CNTNAP2: variants seen among roughly 807,000 people sequenced by gnomAD.
CNTNAP2 encodes the protein contactin associated protein 2, also known as contactin-associated protein-like 2.
CNTNAP2 carries 98 observed loss-of-function variants against 155.2 expected under a neutral mutation model. That is an observed-to-expected ratio of 0.63 (90% confidence interval 0.54 to 0.75). The LOEUF (loss-of-function observed/expected upper bound fraction) is 0.75, where lower values mean the gene tolerates loss of function less well. Ranked by LOEUF, CNTNAP2 falls within the 30% of genes least tolerant of loss-of-function variation. The pLI, the probability that CNTNAP2 is intolerant of heterozygous loss-of-function variation, is 0.00. For missense variants in CNTNAP2, 1,727 were observed against 1,688.1 expected, an observed-to-expected ratio of 1.02 and a Z score of -0.40; for synonymous variants, 651 against 631.2, an observed-to-expected ratio of 1.03 and a Z score of -0.47.
At chr7:146,951,890 G>T (rs1246412602) in intron 3 of CNTNAP2, among the ~76,000 whole-genome samples, 3 of 152,024 alleles carry the variant, frequency 2.0e-5, no homozygotes, top group Non-Finnish European at 2.9e-5. Context: ...GGGCAGTATG[G>T]CCATTTTCGC....
intron 16 of CNTNAP2, among the ~76,000 whole-genome samples, chr7:148,134,607 C>T (rs1052326122): frequency 1.3e-5 from 2 of 152,036 alleles, no homozygotes; most frequent in African/African-American, 2.4e-5. Flanking sequence ...GTTTTAAATG[C>T]CCTCTAATTT....
intron 14 of CNTNAP2, among the ~76,000 whole-genome samples, chr7:147,924,765 A>G (rs1431784518): frequency 6.6e-6 from 1 of 152,084 alleles, no homozygotes; most frequent in Non-Finnish European, 1.5e-5. Flanking sequence ...AGAGTATGAG[A>G]GCCAAGCTGT....
At chr7:147,549,972 T>C (rs1799819299) in intron 11 of CNTNAP2, among the ~76,000 whole-genome samples, 1 of 152,192 alleles carries the variant, frequency 6.6e-6, no homozygotes, top group South Asian at 2.1e-4. Context: ...GATAAAAATT[T>C]TTCTTTTATG....
At chr7:147,745,900 T>C (rs1355963986) in intron 13 of CNTNAP2, among the ~76,000 whole-genome samples, 1 of 152,216 alleles carries the variant, frequency 6.6e-6, no homozygotes, top group Admixed American at 6.5e-5. Flanking sequence ...AGTACAGGAA[T>C]CTTTAAAATC....
intron 18 of CNTNAP2, among the ~76,000 whole-genome samples, chr7:148,209,298 C>T (rs1795503999): frequency 7.7e-6 from 1 of 130,452 alleles, no homozygotes; most frequent in Non-Finnish European, 1.6e-5. Flanking sequence ...TCTTTTCTTC[C>T]TTTTTTTTTT....
intron 3 of CNTNAP2, among the ~76,000 whole-genome samples, chr7:147,013,997 T>G (rs1033236821): frequency 6.6e-6 from 1 of 152,168 alleles, no homozygotes; most frequent in South Asian, 2.1e-4. Flanking sequence ...TTTGTCTATA[T>G]TAGAAGCACA....
At chr7:147,242,138 C>A (rs1803951979) in intron 8 of CNTNAP2, among the ~76,000 whole-genome samples, 1 of 152,140 alleles carries the variant, frequency 6.6e-6, no homozygotes, top group Non-Finnish European at 1.5e-5. Context: ...TCGACTTTAT[C>A]ATTGTTTCTT....
chr7:146,232,885 A>G (rs1227442875), intron 1 of CNTNAP2, among the ~76,000 whole-genome samples: 1 of 152,168 alleles, frequency 6.6e-6, no homozygotes, highest in Admixed American at 6.5e-5. Flanking sequence ...ACAAGAGTGA[A>G]TATGGAAAGC....
chr7:146,731,875 A>T (rs1801531537), intron 1 of CNTNAP2, among the ~76,000 whole-genome samples: 1 of 152,152 alleles, frequency 6.6e-6, no homozygotes, highest in African/African-American at 2.4e-5. Context: ...ATACTCATGT[A>T]TATATTCCTT....
At chr7:147,242,062 T>C (rs1401800282) in intron 8 of CNTNAP2, among the ~76,000 whole-genome samples, 1 of 152,202 alleles carries the variant, frequency 6.6e-6, no homozygotes, top group Non-Finnish European at 1.5e-5. Context: ...AATTTCCTTC[T>C]TTTCCTGATT....
intron 1 of CNTNAP2, among the ~76,000 whole-genome samples, chr7:146,308,124 T>C (rs1041668366): frequency 2.0e-5 from 3 of 151,900 alleles, no homozygotes; most frequent in Non-Finnish European, 1.5e-5. Context: ...CTTAACAAAT[T>C]TACAAGAAAA....
At chr7:148,257,401 A>G (rs925807271) in intron 20 of CNTNAP2, among the ~76,000 whole-genome samples, 89 of 152,308 alleles carry the variant, frequency 5.8e-4, no homozygotes, top group African/African-American at 2.0e-3. Flanking sequence ...CTGTTAGGGG[A>G]GAGTGTTTCT....
At chr7:147,248,960 C>T (rs939852103) in intron 8 of CNTNAP2, among the ~76,000 whole-genome samples, 2 of 152,000 alleles carry the variant, frequency 1.3e-5, no homozygotes, top group African/African-American at 4.8e-5. Flanking sequence ...CCTTAATGGT[C>T]CACTGATCTA....
intron 13 of CNTNAP2, among the ~76,000 whole-genome samples, chr7:147,787,260 G>A (rs1180000016): frequency 6.6e-6 from 1 of 152,208 alleles, no homozygotes; most frequent in Non-Finnish European, 1.5e-5. Context: ...TGGGGTGGAT[G>A]TGGTCCCAGG....
intron 8 of CNTNAP2, among the ~76,000 whole-genome samples, chr7:147,175,604 A>C (rs1372762421): frequency 6.6e-6 from 1 of 152,176 alleles, no homozygotes; most frequent in East Asian, 1.9e-4. Flanking sequence ...AGAGAAAGAA[A>C]TAACTTCACA....
chr7:147,105,834 T>A (rs961960817), intron 4 of CNTNAP2, among the ~76,000 whole-genome samples: 2 of 152,066 alleles, frequency 1.3e-5, no homozygotes, highest in African/African-American at 4.8e-5. Flanking sequence ...CAGAGAATTT[T>A]GTTTCCCAGC....
At chr7:146,356,980 AC>A (rs1378289968) in intron 1 of CNTNAP2, among the ~76,000 whole-genome samples, 1 of 152,174 alleles carries the variant, frequency 6.6e-6, no homozygotes, top group Non-Finnish European at 1.5e-5. Context: ...CTCATCAAGC[AC>A]AGCTTCCTTT....
intron 21 of CNTNAP2, among the ~76,000 whole-genome samples, chr7:148,382,382 G>A (rs566255933): frequency 9.9e-5 from 15 of 152,218 alleles, no homozygotes; most frequent in African/African-American, 3.4e-4. Flanking sequence ...TTGAGACCCC[G>A]CAGACAGATA....
chr7:146,407,913 C>G (rs1244650380), intron 1 of CNTNAP2, among the ~76,000 whole-genome samples: 1 of 151,840 alleles, frequency 6.6e-6, no homozygotes, highest in Non-Finnish European at 1.5e-5. Flanking sequence ...ATATTTTTTT[C>G]TTATTTTCTT....
Sources: gnomAD v4.1 joint callset for allele counts (sites outside exome capture counted in the v4.1 genomes callset) on GRCh38, gnomAD v4.1.1 for gene constraint, MANE v1.5 for transcripts, NCBI Gene and HGNC (gene_info 2026-07-23, HGNC 2026-07-21) for gene names.